RBFOX1: variants seen among roughly 807,000 people sequenced by gnomAD.
RBFOX1 encodes RNA binding fox-1 homolog 1, also known as RNA binding protein fox-1 homolog 1.
Under a neutral mutation model 57.7 loss-of-function variants are expected in RBFOX1, and 8 were observed. That is an observed-to-expected ratio of 0.14 (90% CI 0.08 to 0.25). The LOEUF (loss-of-function observed/expected upper bound fraction) is 0.25. RBFOX1 is among the 10% of genes least tolerant of loss of function. The probability of loss-of-function intolerance (pLI) is 1.00; values close to 1 mark genes in which losing one functional copy is unlikely to be tolerated. For missense variants in RBFOX1, 611 were observed against 548.5 expected (o/e 1.11, Z -1.14); for synonymous variants, 326 against 222.4 (o/e 1.47, Z -4.15).
rs537025242 is a variant in RBFOX1, at chr16:5,266,099, A to G, written c.219+25994A>G. On this transcript the variant is annotated intron_variant, in intron 1 of 2. Coordinates refer to the RBFOX1 transcript ENST00000585867. ...TGGACTCTACCTGCCTCCAAATGAC[A>G]TTTCTGTTTCCTATGAGATGACTAG... Among the ~76,000 whole-genome samples, 185 of 152,190 alleles carry G rather than the reference A, an allele frequency of 1.2e-3. 2 individuals carry two copies. In the Middle Eastern group the frequency reaches 0.02, roughly 17 times the overall value.
At chr16:5,755,465 G>A (rs1195912202) in intron 3 of RBFOX1, among the ~76,000 whole-genome samples, 1 of 152,190 alleles carries the variant, frequency 6.6e-6, no homozygotes, top group African/African-American at 2.4e-5. Context: ...TTGATGGCAT[G>A]TGGCTGTTGA....
At chr16:5,371,390 A>G (rs1459515103) in intron 1 of RBFOX1, among the ~76,000 whole-genome samples, 1 of 152,214 alleles carries the variant, frequency 6.6e-6, no homozygotes, top group Non-Finnish European at 1.5e-5. Flanking sequence ...CCCTGGGAGG[A>G]TACAGGGAGA....
chr16:6,676,037 G>C (rs896941896), intron 3 of RBFOX1, among the ~76,000 whole-genome samples: 2 of 151,918 alleles, frequency 1.3e-5, no homozygotes, highest in African/African-American at 4.8e-5. Flanking sequence ...GTCCTCAAAA[G>C]GTTTAAAGGA....
At chr16:7,435,627 C>G (rs1156695285) in intron 4 of RBFOX1, among the ~76,000 whole-genome samples, 3 of 152,200 alleles carry the variant, frequency 2.0e-5, no homozygotes, top group African/African-American at 4.8e-5. Flanking sequence ...GCAAGATGAA[C>G]TATTGCAAGC....
At chr16:5,922,267 C>G (rs953522353) in intron 4 of RBFOX1, among the ~76,000 whole-genome samples, 31 of 152,174 alleles carry the variant, frequency 2.0e-4, no homozygotes, top group African/African-American at 7.5e-4. Flanking sequence ...GATCCATCCC[C>G]ATGATTCAAC....
At chr16:5,908,165 TAC>T (rs1567133707) in intron 4 of RBFOX1, among the ~76,000 whole-genome samples, 1 of 95,822 alleles carries the variant, frequency 1.0e-5, no homozygotes, top group Non-Finnish European at 2.1e-5. Context: ...CACATATATA[TAC>T]ACATATATAC....
intron 2 of RBFOX1, among the ~76,000 whole-genome samples, chr16:6,513,674 T>C (rs1382482636): frequency 7.2e-5 from 11 of 152,010 alleles, no homozygotes; most frequent in Admixed American, 5.9e-4. Flanking sequence ...GCGGAGGTTG[T>C]AGTGAGCCGA....
intron 2 of RBFOX1, among the ~76,000 whole-genome samples, chr16:6,390,076 A>G (rs1331960939): frequency 6.6e-6 from 1 of 152,234 alleles, no homozygotes; most frequent in African/African-American, 2.4e-5. Context: ...ACCTGAGAGA[A>G]GTCCCAGCTG....
intron 1 of RBFOX1, among the ~76,000 whole-genome samples, chr16:6,031,023 A>C (rs1328280695): frequency 6.6e-6 from 1 of 152,184 alleles, no homozygotes; most frequent in Non-Finnish European, 1.5e-5. Flanking sequence ...AGGTAAAAAG[A>C]CAATAGAATT....
intron 1 of RBFOX1, among the ~76,000 whole-genome samples, chr16:6,074,416 A>T (rs183562478): frequency 5.1e-4 from 77 of 152,344 alleles, no homozygotes; most frequent in African/African-American, 1.8e-3. Context: ...GTCTTCAGTC[A>T]TGATCCATCC....
intron 3 of RBFOX1, among the ~76,000 whole-genome samples, chr16:6,842,505 A>G (rs960626352): frequency 6.6e-6 from 1 of 152,044 alleles, no homozygotes; most frequent in African/African-American, 2.4e-5. Context: ...ATTGAATCAT[A>G]TATTTTTATC....
At chr16:7,140,150 TTCTCTCCCTCTCTCTC>T (rs1173845560) in intron 4 of RBFOX1, among the ~76,000 whole-genome samples, 17 of 52,586 alleles carry the variant, frequency 3.2e-4, no homozygotes, top group African/African-American at 1.3e-3. Flanking sequence ...TATTCTCTCC[TTCTCTCCCTCTCTCTC>T]TCTCTCTCTC....
intron 4 of RBFOX1, among the ~76,000 whole-genome samples, chr16:5,874,216 A>G (rs1258796063): frequency 1.3e-5 from 2 of 152,204 alleles, no homozygotes; most frequent in Admixed American, 6.5e-5. Context: ...GAGAAGACAC[A>G]TGGGCCACAC....
At chr16:6,174,890 C>T (rs1259968342) in intron 1 of RBFOX1, among the ~76,000 whole-genome samples, 1 of 152,110 alleles carries the variant, frequency 6.6e-6, no homozygotes, top group Non-Finnish European at 1.5e-5. Context: ...ACACCCTTTC[C>T]AATAGTCTAC....
At chr16:7,412,241 C>T (rs375416122) in intron 4 of RBFOX1, among the ~76,000 whole-genome samples, 1 of 151,644 alleles carries the variant, frequency 6.6e-6, no homozygotes. Flanking sequence ...ATGGTGAAAC[C>T]CCATCTCTAC....
intron 1 of RBFOX1, among the ~76,000 whole-genome samples, chr16:6,228,556 C>G (rs1302188028): frequency 6.6e-6 from 1 of 152,032 alleles, no homozygotes; most frequent in Non-Finnish European, 1.5e-5. Flanking sequence ...TGAACTAAGC[C>G]AGACATAGAA....
intron 1 of RBFOX1, among the ~76,000 whole-genome samples, chr16:6,210,847 A>T (rs1054633884): frequency 9.2e-5 from 14 of 152,210 alleles, no homozygotes; most frequent in African/African-American, 2.9e-4. Context: ...GGCAGTCCTT[A>T]AGTGAACGGT....
At chr16:6,026,101 C>G (rs765757025) in intron 1 of RBFOX1, among the ~76,000 whole-genome samples, 5 of 152,204 alleles carry the variant, frequency 3.3e-5, no homozygotes, top group African/African-American at 1.2e-4. Context: ...CTTAGAGAAA[C>G]TGTCCCTGTT....
At chr16:7,704,317 T>A (rs1280480688) in intron 14 of RBFOX1, among the ~76,000 whole-genome samples, 1 of 152,202 alleles carries the variant, frequency 6.6e-6, no homozygotes, top group Admixed American at 6.5e-5. Flanking sequence ...GTTTAGTTTT[T>A]CCCTGAAGGC....
Sources: gnomAD v4.1 joint callset for allele counts (sites outside exome capture counted in the v4.1 genomes callset) on GRCh38, gnomAD v4.1.1 for gene constraint, MANE v1.5 for transcripts, NCBI Gene and HGNC (gene_info 2026-07-23, HGNC 2026-07-21) for gene names.